The following EIF4ENIF1 variants were observed in gnomAD, a reference collection of about 807,000 sequenced individuals.
EIF4ENIF1 encodes eukaryotic translation initiation factor 4E transporter.
In EIF4ENIF1, 23 loss-of-function variants were observed where a neutral mutation model predicts 110.5. The ratio of observed to expected loss-of-function variants is 0.21; its 90% CI spans 0.15 to 0.29. The LOEUF (loss-of-function observed/expected upper bound fraction) is 0.29. Ranked by LOEUF, EIF4ENIF1 falls within the 10% of genes least tolerant of loss-of-function variation. The probability of loss-of-function intolerance (pLI) is 1.00; values close to 1 mark genes in which losing one functional copy is unlikely to be tolerated. For synonymous variants in EIF4ENIF1, 440 were observed against 437.0 expected, an observed-to-expected ratio of 1.01 and a Z score of -0.09; for missense variants, 1,031 against 1,221.1, an observed-to-expected ratio of 0.84 and a Z score of 2.32.
chr22:31,478,295 C>T lies in EIF4ENIF1; in HGVS notation c.97-6378G>A, dbSNP rs573754589. Among the ~76,000 whole-genome samples the T allele has an allele frequency of 1.1e-3, 163 of 152,102 alleles. No individual in the cohort carries two copies. The Middle Eastern group carries it at 0.014, about 13-fold the overall frequency. On this transcript the variant is annotated intron_variant, in intron 2 of 18. Transcript: ENST00000330125. ...ATTGGGAGGCCGAGACCAGCTATCA[C>T]TTGAGTCAGGAGTTCATGAGCAGCC...
intron 2 of EIF4ENIF1, among the ~76,000 whole-genome samples, chr22:31,476,355 C>T (rs1411913220): frequency 6.6e-6 from 1 of 152,144 alleles, no homozygotes; most frequent in Non-Finnish European, 1.5e-5. Context: ...CAGCTGTTTG[C>T]TGAACTCTAT....
chr22:31,493,159 T>C (rs926311627), upstream of EIF4ENIF1, among the ~76,000 whole-genome samples: 1 of 148,288 alleles, frequency 6.7e-6, no homozygotes, highest in Non-Finnish European at 1.5e-5. Context: ...GCCTCCCGAG[T>C]AGCTGGGACT....
chr22:31,454,081 T>G, intron 10 of EIF4ENIF1, 63 bp downstream of exon 10: 1 of 1,442,166 alleles, frequency 6.9e-7, no homozygotes, highest in Non-Finnish European at 9.6e-7. Flanking sequence ...ATCCTTTTAT[T>G]GTGGTGGGAA....
chr22:31,482,234 G>A (rs535749153), intron 2 of EIF4ENIF1, among the ~76,000 whole-genome samples: 28 of 151,766 alleles, frequency 1.8e-4, no homozygotes, highest in Admixed American at 3.3e-4. Flanking sequence ...ACTTTAATAC[G>A]CATGTTTAAC....
intron 2 of EIF4ENIF1, among the ~76,000 whole-genome samples, chr22:31,483,115 C>T (rs1464019720): frequency 1.3e-5 from 2 of 149,180 alleles, no homozygotes; most frequent in Non-Finnish European, 3.0e-5. Flanking sequence ...AAGATGGCAT[C>T]ACTAACAGAA....
At chr22:31,487,610 C>T (rs936727118) in intron 2 of EIF4ENIF1, among the ~76,000 whole-genome samples, 1 of 151,914 alleles carries the variant, frequency 6.6e-6, no homozygotes, top group African/African-American at 2.4e-5. Context: ...GGCAACATGG[C>T]GAATTCCCAT....
At position 31,463,862 on chromosome 22, in the gene EIF4ENIF1, C is replaced by G. The variant is rs144947064; in HGVS notation, c.404G>C (p.Arg135Pro). 2 of 1,614,072 alleles carry G rather than the reference C, an allele frequency of 1.2e-6. No homozygotes were observed. The highest frequency in any genetic ancestry group is 3.3e-5 in the Admixed American group (2 of 59,994). ...CHVTAAVSSR[R>P]SGSPLEKDSD... is the part of the protein sequence containing the mutation. ...ATCTTTCTCTAATGGACTTCCTGAGCGCCGGGAGCTAACAGCGGCTGTCAC... is the reference window on the plus strand; with the variant it reads ...ATCTTTCTCTAATGGACTTCCTGAGGGCCGGGAGCTAACAGCGGCTGTCAC... Residue 135 changes from arginine (R) to proline (P), a missense_variant, in exon 5 of 19, where the codon CGC (arginine) becomes CCC (proline). This residue lies in a region of EIF4ENIF1 where 704 missense variants were observed against 879.7 expected (regional missense o/e 0.80). Coordinates refer to ENST00000330125, the MANE Select transcript of EIF4ENIF1 (RefSeq NM_019843.4).
chr22:31,455,193 C>T lies in EIF4ENIF1; in HGVS notation c.1222G>A (p.Asp408Asn). The T allele has an allele frequency of 6.2e-7, 1 of 1,613,724 alleles. No homozygotes were observed. Among genetic ancestry groups the T allele is most frequent in the Non-Finnish European group, 8.5e-7 (1 of 1,179,894 alleles). ...ILEMLQKAKV[D>N]LKPLLSSLSA... ...AGGCTGGAAAGAAGAGGTTTCAAAT[C>T]CACTTTGGCTTTCTGTAGCATTTCT... The change falls in exon 9 of 19, where the codon GAT (aspartate) becomes AAT (asparagine). Residue 408 changes from aspartate to asparagine, a missense_variant. This residue lies in a region of EIF4ENIF1 where 704 missense variants were observed against 879.7 expected (regional missense o/e 0.80). Transcript: ENST00000330125.
chr22:31,450,264 G>T, intron 11 of EIF4ENIF1, 25 bp downstream of exon 11: 2 of 1,600,900 alleles, frequency 1.2e-6, no homozygotes, highest in Non-Finnish European at 1.7e-6. Flanking sequence ...AGACTCCAAG[G>T]CCTCAGTATA....
intron 2 of EIF4ENIF1, among the ~76,000 whole-genome samples, chr22:31,482,788 C>T (rs559962796): frequency 6.6e-6 from 1 of 151,686 alleles, no homozygotes; most frequent in African/African-American, 2.4e-5. Context: ...CTTTAGGAGG[C>T]CAAGGTGGGT....
At chr22:31,475,514 G>C (rs2146052751) in intron 2 of EIF4ENIF1, among the ~76,000 whole-genome samples, 1 of 152,244 alleles carries the variant, frequency 6.6e-6, no homozygotes, top group Middle Eastern at 3.4e-3. Flanking sequence ...CACTATAGGA[G>C]GCTGAGGCAG....
In EIF4ENIF1 at chr22:31,488,733, C is replaced by T; in HGVS notation, c.-15G>A. On this transcript the variant is annotated 5_prime_UTR_variant, in exon 2 of 19. Coordinates refer to ENST00000330125, the MANE Select transcript of EIF4ENIF1 (RefSeq NM_019843.4). The stretch of plus-strand genomic sequence containing the variant: ...CTCCTATCCATGGCTCCTTGGTCTA[C>T]AATGCTCTGCACCTGGAAGATAAAT... The T allele has an allele frequency of 6.2e-7, 1 of 1,613,032 alleles. No homozygotes were observed. Among genetic ancestry groups the T allele is most frequent in the Non-Finnish European group, 8.5e-7 (1 of 1,179,616 alleles).
rs1421109111 is a variant in EIF4ENIF1 at position 31,478,862 on chromosome 22, G to A, written c.97-6945C>T. On this transcript the variant is annotated intron_variant, in intron 2 of 18. Transcript: ENST00000330125. ...AGCTACTCGGGAGGCTGAGGCAGGAGAATAGCGTGAACCCGGGAGGCGGAG... is the reference window on the plus strand; with the variant it reads ...AGCTACTCGGGAGGCTGAGGCAGGAAAATAGCGTGAACCCGGGAGGCGGAG... Among the ~76,000 whole-genome samples, 7 of 149,752 alleles carry A rather than the reference G, an allele frequency of 4.7e-5. No homozygotes were observed. The South Asian group carries it at 1.3e-3, about 27-fold the overall frequency.
chr22:31,466,654 C>G, intron 4 of EIF4ENIF1, among the ~76,000 whole-genome samples: 1 of 142,124 alleles, frequency 7.0e-6, no homozygotes, highest in African/African-American at 2.7e-5. Flanking sequence ...GGGGGGGCAG[C>G]TAAAGGGAGG....
chr22:31,485,410 C>T (rs1388263967), intron 2 of EIF4ENIF1, among the ~76,000 whole-genome samples: 1 of 152,050 alleles, frequency 6.6e-6, no homozygotes, highest in Non-Finnish European at 1.5e-5. Context: ...ATGATGTAAG[C>T]ATAAAGATAG....
chr22:31,463,283 C>T, intron 5 of EIF4ENIF1, 150 bp from the exon 6 acceptor site: 2 of 724,302 alleles, frequency 2.8e-6, no homozygotes, highest in Non-Finnish European at 4.5e-6. Flanking sequence ...TCCTCCCTGA[C>T]TGGTTTAAGA....
chr22:31,443,314 G>T, intron 15 of EIF4ENIF1: 1 of 540,626 alleles, frequency 1.8e-6, no homozygotes, highest in Non-Finnish European at 3.1e-6. Context: ...GTGATAATGG[G>T]GACATGCCTA....
At chr22:31,457,658 A>T (rs970993011) in intron 7 of EIF4ENIF1, among the ~76,000 whole-genome samples, 3 of 152,224 alleles carry the variant, frequency 2.0e-5, no homozygotes, top group African/African-American at 7.2e-5. Flanking sequence ...GAATGTTTTC[A>T]TAATCCATAC....
At chr22:31,452,583 A>G (rs1228102855) in intron 10 of EIF4ENIF1, among the ~76,000 whole-genome samples, 3 of 152,226 alleles carry the variant, frequency 2.0e-5, no homozygotes, top group Non-Finnish European at 4.4e-5. Flanking sequence ...GCCCCCTTCC[A>G]TATTTTTAGT....
Sources: allele counts gnomAD v4.1 joint callset (sites outside exome capture counted in the v4.1 genomes callset), GRCh38; gene constraint gnomAD v4.1.1; regional missense constraint gnomAD v4.1.1; transcripts MANE v1.5; gene names NCBI Gene and HGNC (gene_info 2026-07-23, HGNC 2026-07-21).